Variants in ATP2A2 observed in about 807,000 individuals in gnomAD.
ATP2A2 encodes the protein ATPase sarcoplasmic/endoplasmic reticulum Ca2+ transporting 2.
ATP2A2 carries 14 observed loss-of-function variants against 109.3 expected under a neutral mutation model. The ratio of observed to expected loss-of-function variants is 0.13; its 90% CI spans 0.08 to 0.20. The LOEUF (loss-of-function observed/expected upper bound fraction) is 0.20. ATP2A2 is among the 10% of genes least tolerant of loss of function. The probability of loss-of-function intolerance (pLI) is 1.00; values close to 1 mark genes in which losing one functional copy is unlikely to be tolerated. For missense variants in ATP2A2, 657 were observed against 1,321.6 expected, an observed-to-expected ratio of 0.50 and a Z score of 7.80; for synonymous variants, 506 against 490.9, an observed-to-expected ratio of 1.03 and a Z score of -0.41.
intron 5 of ATP2A2, among the ~76,000 whole-genome samples, chr12:110,310,973 T>G (rs1283572122): frequency 6.6e-6 from 1 of 152,248 alleles, no homozygotes; most frequent in Non-Finnish European, 1.5e-5. Flanking sequence ...ATCCTAGTTC[T>G]GCATGACATT....
intron 5 of ATP2A2, among the ~76,000 whole-genome samples, chr12:110,300,482 G>A (rs549462835): frequency 5.3e-5 from 8 of 150,492 alleles, no homozygotes; most frequent in African/African-American, 2.0e-4. Flanking sequence ...AGCCTCCCCA[G>A]TAGCTGTGAC....
At chr12:110,317,452 C>G (rs951722618) in intron 5 of ATP2A2, among the ~76,000 whole-genome samples, 1 of 151,920 alleles carries the variant, frequency 6.6e-6, no homozygotes, top group Non-Finnish European at 1.5e-5. Flanking sequence ...ACTGTGTCAC[C>G]CAGGCTGGAG....
At chr12:110,287,919 A>G (rs1010804376) in intron 3 of ATP2A2, among the ~76,000 whole-genome samples, 1 of 151,628 alleles carries the variant, frequency 6.6e-6, no homozygotes, top group Non-Finnish European at 1.5e-5. Flanking sequence ...CCCAGCCCAG[A>G]TAATCCTTTT....
chr12:110,346,175 C>T lies in ATP2A2; in HGVS notation c.2860-26C>T, dbSNP rs202213546. On this transcript the variant is annotated intron_variant, in intron 19 of 19. Transcript: ENST00000539276. ...ACCTCCTTCCAGGGGAGGCTGGAGG[C>T]GTGACACGTCTTCCCTGTGTGTCAG... The T allele has an allele frequency of 1.2e-5, 19 of 1,614,040 alleles. 1 individual carries two copies. The highest frequency in any genetic ancestry group is 8.8e-5 in the South Asian group (8 of 91,086).
intron 3 of ATP2A2, among the ~76,000 whole-genome samples, chr12:110,288,276 T>A (rs2098140): frequency 0.12 from 17,599 of 149,302 alleles, 1,294 homozygotes; most frequent in African/African-American, 0.22. Context: ...TAAAAAAAAA[T>A]TTTTTTTTAT....
At position 110,350,013 on chromosome 12, in the gene ATP2A2, C is replaced by G. The variant is rs998647076; in HGVS notation, c.*3543C>G. The G allele has an allele frequency of 5.1e-5, 70 of 1,362,158 alleles. No homozygotes were observed. The highest frequency in any genetic ancestry group is 3.5e-4 in the South Asian group (22 of 62,718). 84.4% of individuals were successfully genotyped at this position (1,362,158 alleles called of 1,614,324 possible). On this transcript the variant is annotated 3_prime_UTR_variant, in exon 20 of 20. Transcript: ENST00000539276. ...TGTCTCGCTGCTTTCACAGCTGCAA[C>G]GATTGTGTCTGCCTCATGGGGTTTT...
intron 14 of ATP2A2, among the ~76,000 whole-genome samples, chr12:110,341,848 A>T (rs1301296708): frequency 6.6e-6 from 1 of 152,232 alleles, no homozygotes; most frequent in Admixed American, 6.5e-5. Flanking sequence ...AGCCTGGGCG[A>T]CAGAGCGGGA....
chr12:110,325,419 A>G (rs1261105429), intron 6 of ATP2A2, among the ~76,000 whole-genome samples: 1 of 151,838 alleles, frequency 6.6e-6, no homozygotes, highest in Non-Finnish European at 1.5e-5. Context: ...GGATCACCTC[A>G]GGTCAGGAGT....
At chr12:110,301,740 C>A (rs1874668145) in intron 5 of ATP2A2, among the ~76,000 whole-genome samples, 1 of 152,182 alleles carries the variant, frequency 6.6e-6, no homozygotes, top group Non-Finnish European at 1.5e-5. Context: ...ACTTAAAATA[C>A]AAAATTCTCT....
chr12:110,296,476 C>T lies in ATP2A2; in HGVS notation c.325-123C>T, dbSNP rs1873975077. Reference sequence around the variant, plus strand: ...TGCCTTAGATGTGAATTGTTTAGTACAAATGTTACTGGTGGGCTTCCTTTC... The same window carrying T: ...TGCCTTAGATGTGAATTGTTTAGTATAAATGTTACTGGTGGGCTTCCTTTC... On this transcript the variant is annotated intron_variant, in intron 4 of 19. Transcript: ENST00000539276. 4 of 1,295,518 alleles carry T rather than the reference C, an allele frequency of 3.1e-6. No homozygotes were observed. The African/African-American group carries it at 4.4e-5, about 14-fold the overall frequency. The allele number at this position is 1,295,518 out of a possible 1,614,324, so 80.3% of individuals were successfully genotyped here.
chr12:110,312,592 G>A (rs2137772063), intron 5 of ATP2A2, among the ~76,000 whole-genome samples: 1 of 152,218 alleles, frequency 6.6e-6, no homozygotes, highest in East Asian at 1.9e-4. Flanking sequence ...GCTCATGCCT[G>A]TAATCCCAGC....
At chr12:110,345,020 G>A in intron 17 of ATP2A2, 49 bp downstream of exon 17, 4 of 1,585,734 alleles carry the variant, frequency 2.5e-6, no homozygotes, top group Non-Finnish European at 3.5e-6. Flanking sequence ...GTGTTGTGAG[G>A]CCTTGACCTT....
intron 6 of ATP2A2, chr12:110,326,059 A>G (rs1877768817): frequency 1.4e-5 from 5 of 359,218 alleles, no homozygotes; most frequent in South Asian, 1.4e-4. Flanking sequence ...TGTAAATAAT[A>G]CAGTCACAGT....
chr12:110,285,780 A>G (rs1186970029), intron 3 of ATP2A2, among the ~76,000 whole-genome samples: 2 of 152,154 alleles, frequency 1.3e-5, no homozygotes, highest in Non-Finnish European at 2.9e-5. Context: ...GTCGTTTCCC[A>G]TGTCAGCTAC....
Position 110,348,587 on chromosome 12 carries a change from T to G in ATP2A2, c.*2117T>G. ...CGACTCTTAAAAGCACAGTCCGTGGTTGGGTGTGGTGGCTCATGCCTGTAA... is the reference window on the plus strand; with the variant it reads ...CGACTCTTAAAAGCACAGTCCGTGGGTGGGTGTGGTGGCTCATGCCTGTAA... On this transcript the variant is annotated 3_prime_UTR_variant, in exon 20 of 20. Transcript: ENST00000539276. 1.0e-6 allele frequency: 1 copy of G among 985,260 alleles called. No homozygotes were observed. The highest frequency in any genetic ancestry group is 1.2e-6 in the Non-Finnish European group (1 of 830,016). 61.0% of individuals were successfully genotyped at this position (985,260 alleles called of 1,614,324 possible).
rs1877405606 is a variant in ATP2A2, at chr12:110,323,084, A to G, written c.544+12A>G. On this transcript the variant is annotated intron_variant, in intron 6 of 19. Coordinates refer to ENST00000539276, the MANE Select transcript of ATP2A2 (RefSeq NM_170665.4). Reference sequence around the variant, plus strand: ...GTCAATTCTCACAGGTAAATATGATATATTAAGTCATTGAATTTCTGAAGA... The same window carrying G: ...GTCAATTCTCACAGGTAAATATGATGTATTAAGTCATTGAATTTCTGAAGA... 6.3e-7 allele frequency: 1 copy of G among 1,584,874 alleles called. No individual in the cohort carries two copies. Among genetic ancestry groups the G allele is most frequent in the Non-Finnish European group, 8.7e-7 (1 of 1,153,486 alleles).
At chr12:110,282,124 C>T (rs1404197979) in intron 1 of ATP2A2, among the ~76,000 whole-genome samples, 1 of 152,108 alleles carries the variant, frequency 6.6e-6, no homozygotes, top group South Asian at 2.1e-4. Context: ...TCGACCTTTT[C>T]GGCGCGCAAG....
intron 5 of ATP2A2, among the ~76,000 whole-genome samples, chr12:110,311,243 G>C (rs1014029673): frequency 2.0e-5 from 3 of 152,158 alleles, no homozygotes; most frequent in Admixed American, 2.0e-4. Context: ...TTGGTTGGTT[G>C]GTTCGTTTGT....
chr12:110,303,962 C>G (rs1486019381), intron 5 of ATP2A2, among the ~76,000 whole-genome samples: 1 of 152,158 alleles, frequency 6.6e-6, no homozygotes, highest in African/African-American at 2.4e-5. Flanking sequence ...CTCAGAAAAA[C>G]CCATACCCAT....
Sources: allele counts gnomAD v4.1 joint callset (sites outside exome capture counted in the v4.1 genomes callset), GRCh38; gene constraint gnomAD v4.1.1; transcripts MANE v1.5; gene names NCBI Gene and HGNC (gene_info 2026-07-23, HGNC 2026-07-21).